NCOR2: variants seen among roughly 807,000 people sequenced by gnomAD.
The protein encoded by NCOR2 is nuclear receptor corepressor 2, also known as CTG repeat protein 26.
In NCOR2, 81 loss-of-function variants were observed where a neutral mutation model predicts 262.9. That is an observed-to-expected ratio of 0.31 (90% CI 0.26 to 0.37). NCOR2 has a LOEUF of 0.37. NCOR2 is among the 10% of genes least tolerant of loss of function. The pLI is 1.00. For missense variants in NCOR2, 3,385 were observed against 3,621.4 expected (o/e 0.93, Z 1.68); for synonymous variants, 1,659 against 1,559.3 (o/e 1.06, Z -1.51).
rs372163763 is a variant in NCOR2, at chr12:124,374,405, A to G, written c.2218+8T>C. On this transcript the variant is annotated splice_region_variant and intron_variant, in intron 19 of 46. Transcript: ENST00000405201. ...CCTACCCCCCAGGCCAGCCGGCCACATTCGTACCTGGGCCACTGCATTCCC... is the reference window on the plus strand; with the variant it reads ...CCTACCCCCCAGGCCAGCCGGCCACGTTCGTACCTGGGCCACTGCATTCCC... The G allele has an allele frequency of 2.2e-5, 36 of 1,612,482 alleles. No individual in the cohort carries two copies. The highest frequency in any genetic ancestry group is 5.0e-5 in the Admixed American group (3 of 59,942).
chr12:124,422,100 G>A (rs1009155441), intron 12 of NCOR2, among the ~76,000 whole-genome samples: 3 of 152,236 alleles, frequency 2.0e-5, no homozygotes, highest in Admixed American at 6.5e-5. Flanking sequence ...TCCTGCCTAC[G>A]AAAACTTCAC....
chr12:124,479,201 G>C (rs1238599140), intron 3 of NCOR2, among the ~76,000 whole-genome samples: 2 of 152,224 alleles, frequency 1.3e-5, no homozygotes, highest in Non-Finnish European at 2.9e-5. Context: ...GCTGGGCCCT[G>C]AGCTGCCTGC....
intron 20 of NCOR2, among the ~76,000 whole-genome samples, chr12:124,366,611 A>G (rs1446023449): frequency 6.6e-6 from 1 of 152,112 alleles, no homozygotes; most frequent in Admixed American, 6.5e-5. Context: ...GGCTCACGCA[A>G]TCCTCCCACC....
At chr12:124,410,174 A>T (rs1239626372) in intron 13 of NCOR2, among the ~76,000 whole-genome samples, 1 of 148,110 alleles carries the variant, frequency 6.8e-6, no homozygotes, top group African/African-American at 2.5e-5. Flanking sequence ...GCCCAGCTTG[A>T]GATGTCCCCC....
Position 124,389,869 on chromosome 12 carries a change from T to C in NCOR2, c.1877-3982A>G, listed in dbSNP as rs2041161084. Among the ~76,000 whole-genome samples the C allele has an allele frequency of 6.6e-6, 1 of 151,950 alleles. No homozygotes were observed. Among genetic ancestry groups the C allele is most frequent in the African/African-American group, 2.4e-5 (1 of 41,340 alleles). On this transcript the variant is annotated intron_variant, in intron 16 of 46. Transcript: ENST00000405201. This position sits in a 1 kb window ranked among gnomAD's most constrained non-coding sequence, Gnocchi z 4.4. ...AGCCCCTGCAGCCGTGAAGGAACAC[T>C]GTGGGAAATGCCGGGGAGCCACCCA... is the stretch of plus-strand genomic sequence containing the variant.
At chr12:124,446,329 T>A (rs1442948217) in intron 7 of NCOR2, among the ~76,000 whole-genome samples, 1 of 152,202 alleles carries the variant, frequency 6.6e-6, no homozygotes, top group Non-Finnish European at 1.5e-5. Context: ...AGTGAACTTT[T>A]AAAACAAAAG....
rs910485650 is a variant in NCOR2 at position 124,517,353 on chromosome 12, C to T, written c.-118+18212G>A. 4.1e-4 allele frequency among the ~76,000 whole-genome samples: 62 copies of T among 152,348 alleles called. No homozygotes were observed. The highest frequency in any genetic ancestry group is 6.8e-4 in the Non-Finnish European group (46 of 68,020). ...CAGACCTCAGGACAAATCACTCCCT[C>T]ATCCCCCCGGTTTGCAACTAAAGGC... On this transcript the variant is annotated intron_variant, in intron 1 of 46. Coordinates refer to the NCOR2 transcript ENST00000404621. This position sits in a 1 kb window ranked among gnomAD's most constrained non-coding sequence, Gnocchi z 7.6.
Position 124,495,203 on chromosome 12 carries a change from G to A in NCOR2, c.49C>T (p.Pro17Ser), listed in dbSNP as rs199718897. 24 of 1,613,898 alleles carry A rather than the reference G, an allele frequency of 1.5e-5. No homozygotes were observed. Among genetic ancestry groups the A allele is most frequent in the Admixed American group, 3.3e-5 (2 of 60,008 alleles). Residue 17 changes from proline to serine, a missense_variant, in exon 1 of 47, where the codon CCC becomes TCC. Coordinates refer to ENST00000405201, the Ensembl canonical transcript of NCOR2. This position sits in a 1 kb window ranked among gnomAD's most constrained non-coding sequence, Gnocchi z 4.4. ...GAAAGGCTGTGGGGCGGGTAGCGGG[G>A]CTCAGTGGCCCTCCACGTCTGTGCC...
intron 20 of NCOR2, among the ~76,000 whole-genome samples, chr12:124,371,560 G>A (rs1317145222): frequency 6.6e-6 from 1 of 152,240 alleles, no homozygotes; most frequent in African/African-American, 2.4e-5. Context: ...TGGCATGCCA[G>A]CAATCACGAC....
At chr12:124,431,175 CAA>C (rs1418319781) in intron 8 of NCOR2, among the ~76,000 whole-genome samples, 2 of 144,932 alleles carry the variant, frequency 1.4e-5, no homozygotes, top group African/African-American at 2.9e-5. Flanking sequence ...CACAGATACA[CAA>C]AGTCACACAG....
intron 16 of NCOR2, among the ~76,000 whole-genome samples, chr12:124,395,670 T>C (rs2041608267): frequency 6.6e-6 from 1 of 152,130 alleles, no homozygotes; most frequent in South Asian, 2.1e-4. Flanking sequence ...AGGCACTGTC[T>C]TCCCAGTTCT....
At chr12:124,449,519 G>A (rs2136496798) in intron 7 of NCOR2, among the ~76,000 whole-genome samples, 1 of 152,320 alleles carries the variant, frequency 6.6e-6, no homozygotes, top group East Asian at 1.9e-4. Context: ...CAGATGTACA[G>A]CCTGGGACCT....
intron 1 of NCOR2, among the ~76,000 whole-genome samples, chr12:124,565,240 C>G (rs2052197672): frequency 6.6e-6 from 1 of 152,126 alleles, no homozygotes; most frequent in African/African-American, 2.4e-5. Flanking sequence ...CTGGGGCCTG[C>G]TGCGCTCCCG....
At chr12:124,347,198 A>C (rs554289216) in intron 30 of NCOR2, among the ~76,000 whole-genome samples, 10 of 152,144 alleles carry the variant, frequency 6.6e-5, no homozygotes, top group Admixed American at 1.3e-4. Flanking sequence ...GTGAAACCCC[A>C]CCTCTACAAA....
chr12:124,357,788 TGTG>T (rs1199660405), intron 22 of NCOR2, among the ~76,000 whole-genome samples: 1 of 152,216 alleles, frequency 6.6e-6, no homozygotes, highest in African/African-American at 2.4e-5. Flanking sequence ...GGAGGTAACC[TGTG>T]ATGTGTGTGT....
chr12:124,551,491 T>C (rs1425302669), intron 1 of NCOR2, among the ~76,000 whole-genome samples: 1 of 152,170 alleles, frequency 6.6e-6, no homozygotes, highest in Middle Eastern at 3.2e-3. Flanking sequence ...GACTTGAAAG[T>C]CACCTGTCAT....
intron 37 of NCOR2, among the ~76,000 whole-genome samples, chr12:124,338,268 G>A (rs2036060377): frequency 1.3e-5 from 2 of 152,198 alleles, no homozygotes; most frequent in African/African-American, 4.8e-5. Context: ...GGCACTTTGG[G>A]AGGCTGAGGC....
At chr12:124,472,504 A>C (rs2046878541) in intron 4 of NCOR2, among the ~76,000 whole-genome samples, 1 of 152,154 alleles carries the variant, frequency 6.6e-6, no homozygotes, top group Non-Finnish European at 1.5e-5. Context: ...CCCACATTAC[A>C]GATAAGGAAA....
chr12:124,372,435 CG>C lies in NCOR2; in HGVS notation c.2393del (p.Pro798ArgfsTer166). The C allele has an allele frequency of 1.5e-6, 1 of 676,802 alleles. No homozygotes were observed. 41.9% of individuals were successfully genotyped at this position (676,802 alleles called of 1,614,324 possible). ...TAGGGGCTCCGGTGGCTTCAGAGGC[CG>C]GGGTGGGCTCAGTGGGGGCCGGGAT... is the stretch of plus-strand genomic sequence containing the variant. On this transcript the variant is annotated frameshift_variant, in exon 20 of 47. Transcript: ENST00000405201. LOFTEE classifies it high-confidence loss of function.
Sources: allele counts gnomAD v4.1 joint callset (sites outside exome capture counted in the v4.1 genomes callset), GRCh38; gene constraint gnomAD v4.1.1; non-coding constraint Gnocchi (gnomAD v3.1); transcripts MANE v1.5; gene names NCBI Gene and HGNC (gene_info 2026-07-23, HGNC 2026-07-21).